Variants in NRXN3 observed in about 807,000 individuals in gnomAD.
The protein encoded by NRXN3 is neurexin 3, also known as neurexin III.
Under a neutral mutation model 137.6 loss-of-function variants are expected in NRXN3, and 32 were observed. The observed-to-expected ratio is 0.23, with a 90% confidence interval of 0.18 to 0.31. The LOEUF (loss-of-function observed/expected upper bound fraction) is 0.31, where lower values mean the gene tolerates loss of function less well. Among genes scored for constraint, NRXN3 ranks in the 10% least tolerant of loss-of-function variants. The probability of loss-of-function intolerance (pLI) is 1.00; values close to 1 mark genes in which losing one functional copy is unlikely to be tolerated. For synonymous variants in NRXN3, 798 were observed against 784.5 expected (o/e 1.02, Z -0.29); for missense variants, 1,574 against 2,062.5 (o/e 0.76, Z 4.59).
At chr14:79,325,652 G>T (rs2090743243) in intron 15 of NRXN3, among the ~76,000 whole-genome samples, 1 of 152,190 alleles carries the variant, frequency 6.6e-6, no homozygotes, top group Admixed American at 6.5e-5. Flanking sequence ...TCTGTGTGTT[G>T]CTTGCATGCA....
chr14:79,300,530 G>A (rs2084957595), intron 15 of NRXN3, among the ~76,000 whole-genome samples: 1 of 151,950 alleles, frequency 6.6e-6, no homozygotes, highest in East Asian at 1.9e-4. Flanking sequence ...GTTGGTTCTG[G>A]TTATTAGGCT....
At chr14:79,257,424 A>ATGGTGG (rs1568818032) in intron 15 of NRXN3, among the ~76,000 whole-genome samples, 2 of 19,330 alleles carry the variant, frequency 1.0e-4, no homozygotes, top group African/African-American at 2.5e-4. Context: ...GATGGTGGTG[A>ATGGTGG]TGGTGGTGGT....
chr14:78,478,975 G>A (rs1486350089), intron 4 of NRXN3, among the ~76,000 whole-genome samples: 2 of 152,098 alleles, frequency 1.3e-5, no homozygotes, highest in African/African-American at 2.4e-5. Flanking sequence ...TATCACCAAC[G>A]TCCAAGAAGT....
At chr14:79,539,232 C>T (rs2097248681) in intron 16 of NRXN3, among the ~76,000 whole-genome samples, 2 of 152,198 alleles carry the variant, frequency 1.3e-5, no homozygotes, top group Middle Eastern at 3.4e-3. Context: ...CTGGGTTTCA[C>T]CACGTTGGCC....
At chr14:78,686,553 T>C (rs1181437506) in intron 6 of NRXN3, among the ~76,000 whole-genome samples, 1 of 152,206 alleles carries the variant, frequency 6.6e-6, no homozygotes, top group Non-Finnish European at 1.5e-5. Flanking sequence ...GCCTCCCTCA[T>C]ATTGAGAAAC....
At chr14:78,795,329 G>A (rs948840203) in intron 8 of NRXN3, among the ~76,000 whole-genome samples, 2 of 152,148 alleles carry the variant, frequency 1.3e-5, no homozygotes, top group African/African-American at 4.8e-5. Context: ...TAATTTTACA[G>A]AAACCTTTTT....
intron 19 of NRXN3, among the ~76,000 whole-genome samples, chr14:79,706,965 T>C (rs2098782793): frequency 6.6e-6 from 1 of 152,174 alleles, no homozygotes; most frequent in African/African-American, 2.4e-5. Flanking sequence ...CTATTCTCAT[T>C]CGTTTGTCGC....
chr14:78,819,923 G>A (rs377604271), intron 10 of NRXN3, among the ~76,000 whole-genome samples: 13 of 152,116 alleles, frequency 8.5e-5, no homozygotes, highest in South Asian at 4.1e-4. Flanking sequence ...TGCTTTACTC[G>A]CCTATTTATC....
At chr14:79,110,957 A>G (rs371000399) in intron 15 of NRXN3, among the ~76,000 whole-genome samples, 2 of 151,812 alleles carry the variant, frequency 1.3e-5, no homozygotes, top group African/African-American at 4.8e-5. Flanking sequence ...CACCTGGCTA[A>G]TTTTTTGTTC....
intron 16 of NRXN3, among the ~76,000 whole-genome samples, chr14:79,486,951 CTCTCTCTCT>C (rs879550092): frequency 6.6e-5 from 10 of 150,582 alleles, no homozygotes; most frequent in African/African-American, 1.5e-4. Flanking sequence ...CTCTCTCTCT[CTCTCTCTCT>C]CCCACACACA....
Position 78,963,936 on chromosome 14 carries a change from T to A in NRXN3, c.2396-2089T>A, listed in dbSNP as rs200843404. On this transcript the variant is annotated intron_variant, in intron 11 of 20. Coordinates refer to ENST00000335750, the MANE Select transcript of NRXN3 (RefSeq NM_001330195.2). ...ACATACCTCTATGCCTGGCTAATAT[T>A]TTTTTTTTAATTTGTAGAGACTGGG... Among the ~76,000 whole-genome samples the A allele has an allele frequency of 7.6e-4, 115 of 150,358 alleles. 3 individuals carry two copies. Among genetic ancestry groups the A allele is most frequent in the East Asian group, 2.3e-3 (12 of 5,146 alleles).
At chr14:78,828,169 C>T (rs2098972236) in intron 10 of NRXN3, among the ~76,000 whole-genome samples, 1 of 152,138 alleles carries the variant, frequency 6.6e-6, no homozygotes, top group South Asian at 2.1e-4. Context: ...TCAATATTAT[C>T]GATCCAAGTG....
intron 15 of NRXN3, among the ~76,000 whole-genome samples, chr14:79,460,375 G>A (rs2096315648): frequency 6.6e-6 from 1 of 152,080 alleles, no homozygotes; most frequent in South Asian, 2.1e-4. Flanking sequence ...CCAGAATTAA[G>A]TAGTGGTAGA....
intron 15 of NRXN3, among the ~76,000 whole-genome samples, chr14:79,085,197 C>G (rs143304358): frequency 6.6e-6 from 1 of 151,970 alleles, no homozygotes; most frequent in Non-Finnish European, 1.5e-5. Context: ...GGTTTTTGTT[C>G]GAAGTTTTAA....
intron 4 of NRXN3, among the ~76,000 whole-genome samples, chr14:78,369,926 T>C (rs1389444574): frequency 2.7e-5 from 1 of 37,456 alleles, no homozygotes; most frequent in Non-Finnish European, 5.2e-5. Context: ...CTCATTAGCC[T>C]GGTTAAAAAA....
At chr14:79,393,652 A>C (rs2094926300) in intron 15 of NRXN3, among the ~76,000 whole-genome samples, 1 of 152,134 alleles carries the variant, frequency 6.6e-6, no homozygotes, top group African/African-American at 2.4e-5. Context: ...GGCTCTACTA[A>C]AAATACAAAA....
intron 16 of NRXN3, among the ~76,000 whole-genome samples, chr14:79,604,739 A>T (rs141378609): frequency 1.3e-5 from 2 of 152,234 alleles, no homozygotes; most frequent in African/African-American, 4.8e-5. Flanking sequence ...TTCTTTAAAA[A>T]CATCATTCAG....
chr14:78,316,185 G>T (rs1321756991), intron 4 of NRXN3, among the ~76,000 whole-genome samples: 6 of 152,074 alleles, frequency 3.9e-5, no homozygotes, highest in Middle Eastern at 3.2e-3. Flanking sequence ...TCTCACAGGT[G>T]GAGGGATTAG....
chr14:79,333,392 A>G (rs1486104461), intron 15 of NRXN3, among the ~76,000 whole-genome samples: 1 of 152,118 alleles, frequency 6.6e-6, no homozygotes, highest in African/African-American at 2.4e-5. Context: ...CACCTTCTTA[A>G]TTATGCAGAA....
Sources: gnomAD v4.1 joint callset for allele counts (sites outside exome capture counted in the v4.1 genomes callset) on GRCh38, gnomAD v4.1.1 for gene constraint, MANE v1.5 for transcripts, NCBI Gene and HGNC (gene_info 2026-07-23, HGNC 2026-07-21) for gene names.